PTK2: variants seen among roughly 807,000 people sequenced by gnomAD.
PTK2 encodes protein tyrosine kinase 2, also known as focal adhesion kinase 1.
PTK2 carries 45 observed loss-of-function variants against 150.1 expected under a neutral mutation model. The observed-to-expected ratio is 0.30, with a 90% CI of 0.24 to 0.38. PTK2 has a LOEUF of 0.38. PTK2 is among the 10% of genes least tolerant of loss of function. The pLI, the probability that PTK2 is intolerant of heterozygous loss-of-function variation, is 1.00. For synonymous variants in PTK2, 432 were observed against 449.2 expected, an observed-to-expected ratio of 0.96 and a Z score of 0.48; for missense variants, 919 against 1,307.3, an observed-to-expected ratio of 0.70 and a Z score of 4.58.
intron 24 of PTK2, among the ~76,000 whole-genome samples, chr8:140,703,079 C>A (rs964821900): frequency 6.6e-6 from 1 of 152,124 alleles, no homozygotes; most frequent in Admixed American, 6.5e-5. Flanking sequence ...GGCACGGTGG[C>A]TCTAGCCTGT....
At chr8:140,715,742 A>T (rs1347611438) in intron 23 of PTK2, among the ~76,000 whole-genome samples, 3 of 152,056 alleles carry the variant, frequency 2.0e-5, no homozygotes, top group Admixed American at 2.0e-4. Context: ...CAATCTGCTT[A>T]TAGAAAAGAA....
At chr8:140,848,470 C>A (rs376159754) in intron 5 of PTK2, among the ~76,000 whole-genome samples, 1 of 139,666 alleles carries the variant, frequency 7.2e-6, no homozygotes, top group African/African-American at 2.6e-5. Context: ...AACGAATGAA[C>A]AAACAGTCAT....
intron 27 of PTK2, among the ~76,000 whole-genome samples, chr8:140,684,191 G>A (rs2100018537): frequency 6.6e-6 from 1 of 152,174 alleles, no homozygotes; most frequent in African/African-American, 2.4e-5. Context: ...AGGTTTCGTG[G>A]AAGACAATTT....
intron 1 of PTK2, among the ~76,000 whole-genome samples, chr8:140,963,530 A>C (rs1353028831): frequency 6.6e-6 from 1 of 152,204 alleles, no homozygotes; most frequent in Non-Finnish European, 1.5e-5. Context: ...TGCAAAAACA[A>C]AAACAAAACA....
chr8:140,738,955 T>C, intron 21 of PTK2, 63 bp downstream of exon 24: 1 of 1,185,162 alleles, frequency 8.4e-7, no homozygotes, highest in East Asian at 2.8e-5. Context: ...AAGAGATAAT[T>C]TTTTTTTGTA....
At chr8:140,669,842 CAT>C in intron 29 of PTK2, 107 bp from the exon 33 acceptor site, 1 of 1,278,760 alleles carries the variant, frequency 7.8e-7, no homozygotes, top group South Asian at 1.3e-5. Context: ...CATAAAAACA[CAT>C]GAGCAGAACA....
At chr8:140,970,723 G>C (rs1435118888) in intron 1 of PTK2, among the ~76,000 whole-genome samples, 3 of 152,164 alleles carry the variant, frequency 2.0e-5, no homozygotes, top group East Asian at 3.9e-4. Context: ...CAACATTGCA[G>C]ATGAAGTCAA....
chr8:140,769,294 T>C (rs1385394840), intron 14 of PTK2, among the ~76,000 whole-genome samples: 1 of 152,198 alleles, frequency 6.6e-6, no homozygotes, highest in Non-Finnish European at 1.5e-5. Context: ...AATTTTGCTT[T>C]TGACATTTTT....
At chr8:140,683,741 T>TAA (rs956386988) in intron 27 of PTK2, among the ~76,000 whole-genome samples, 1 of 129,346 alleles carries the variant, frequency 7.7e-6, no homozygotes, top group African/African-American at 3.0e-5. Context: ...TAAACAGAAC[T>TAA]AAAAAAAACT....
At chr8:140,785,100 G>C (rs1595529501) in intron 14 of PTK2, among the ~76,000 whole-genome samples, 1 of 152,218 alleles carries the variant, frequency 6.6e-6, no homozygotes, top group East Asian at 1.9e-4. Flanking sequence ...CATCTCCTAG[G>C]AAGGAATCTA....
chr8:140,814,528 A>G (rs1440542779), intron 10 of PTK2, among the ~76,000 whole-genome samples: 1 of 152,232 alleles, frequency 6.6e-6, no homozygotes, highest in Non-Finnish European at 1.5e-5. Flanking sequence ...AATGTGATTC[A>G]TCACATAAAC....
At chr8:140,692,383 G>A (rs552933917) in intron 26 of PTK2, among the ~76,000 whole-genome samples, 5 of 152,290 alleles carry the variant, frequency 3.3e-5, no homozygotes, top group South Asian at 4.1e-4. Context: ...ATGGGAGGCC[G>A]AGGTGGGTGG....
chr8:140,967,483 C>T (rs1168146098), intron 1 of PTK2, among the ~76,000 whole-genome samples: 17 of 133,348 alleles, frequency 1.3e-4, no homozygotes, highest in Non-Finnish European at 2.2e-4. Context: ...TTTTTTGAGA[C>T]GGAGTCTCTC....
At chr8:140,672,193 T>C (rs1343492150) in intron 29 of PTK2, 1 of 449,450 alleles carries the variant, frequency 2.2e-6, no homozygotes, top group East Asian at 7.0e-5. Flanking sequence ...TCTCATTCTG[T>C]CCCCTTTTCT....
chr8:140,987,181 C>T (rs2100193594), intron 1 of PTK2, among the ~76,000 whole-genome samples: 1 of 152,028 alleles, frequency 6.6e-6, no homozygotes, highest in African/African-American at 2.4e-5. Flanking sequence ...AAAAAAACAC[C>T]TTTTTTTAAA....
In PTK2 at chr8:140,669,301, G is replaced by GTATGTATATATATATA. The variant is rs547959878; in HGVS notation, c.2710-878_2710-877insTATATATATATACATA. The GTATGTATATATATATA allele has an allele frequency of 2.9e-4, 28 of 97,990 alleles. 1 individual carries two copies. Among genetic ancestry groups the GTATGTATATATATATA allele is most frequent in the African/African-American group, 1.3e-3 (27 of 21,498 alleles). The allele number at this position is 97,990 out of a possible 1,614,324, so 6.1% of individuals were successfully genotyped here. ...GTTAGAATTACACCAGCATAAAATG[G>GTATGTATATATATATA]TATATATATATATATATATATATAT... On this transcript the variant is annotated intron_variant, in intron 29 of 31. Transcript: ENST00000522684.
intron 2 of PTK2, among the ~76,000 whole-genome samples, chr8:140,924,347 A>G (rs947299440): frequency 1.1e-4 from 16 of 152,200 alleles, no homozygotes; most frequent in Middle Eastern, 3.4e-3. Context: ...CACAGCACTT[A>G]TACCTTCTAA....
chr8:140,872,173 T>G (rs2100142932), intron 4 of PTK2, among the ~76,000 whole-genome samples: 1 of 152,064 alleles, frequency 6.6e-6, no homozygotes, highest in African/African-American at 2.4e-5. Context: ...GCCCCTCAAG[T>G]AGCTGGGATT....
intron 1 of PTK2, among the ~76,000 whole-genome samples, chr8:140,978,753 A>C (rs1469301135): frequency 6.6e-6 from 1 of 151,866 alleles, no homozygotes; most frequent in Non-Finnish European, 1.5e-5. Context: ...CAGCCATCCC[A>C]TTACTGGGTA....
Sources: gnomAD v4.1 joint callset for allele counts (sites outside exome capture counted in the v4.1 genomes callset) on GRCh38, gnomAD v4.1.1 for gene constraint, MANE v1.5 for transcripts, NCBI Gene and HGNC (gene_info 2026-07-23, HGNC 2026-07-21) for gene names.